NIPSNAP2: variants seen among roughly 807,000 people sequenced by gnomAD.
NIPSNAP2 encodes nipsnap homolog 2, also known as protein NipSnap homolog 2.
Under a neutral mutation model 48.4 loss-of-function variants are expected in NIPSNAP2, and 42 were observed. That is an observed-to-expected ratio of 0.87 (90% confidence interval 0.68 to 1.12). The LOEUF is 1.12. Among genes scored for constraint, NIPSNAP2 ranks in the 50% most tolerant of loss-of-function variants. NIPSNAP2 has a pLI of 0.00. For missense variants in NIPSNAP2, 314 were observed against 347.3 expected (o/e 0.90, Z 0.76); for synonymous variants, 158 against 126.6 (o/e 1.25, Z -1.67).
chr7:55,978,935 TTTG>T (rs1333901004), intron 3 of NIPSNAP2: 1 of 152,784 alleles, frequency 6.5e-6, no homozygotes, highest in African/African-American at 2.4e-5. Flanking sequence ...GCTTACAGAA[TTTG>T]TAAACTTTAA....
intron 1 of NIPSNAP2, among the ~76,000 whole-genome samples, chr7:55,974,587 G>A (rs552660013): frequency 3.9e-5 from 6 of 152,064 alleles, no homozygotes; most frequent in South Asian, 4.2e-4. Context: ...AGTGGCTCAC[G>A]CCTGTAATCC....
intron 1 of NIPSNAP2, among the ~76,000 whole-genome samples, chr7:55,973,605 G>A (rs2116336573): frequency 6.6e-6 from 1 of 151,950 alleles, no homozygotes; most frequent in African/African-American, 2.4e-5. Flanking sequence ...CTCCTGAGTA[G>A]CTGGGATCAC....
At chr7:55,984,001 T>A (rs202092196) in intron 6 of NIPSNAP2, 133 bp downstream of exon 6, 26 of 209,160 alleles carry the variant, frequency 1.2e-4, no homozygotes, top group South Asian at 4.3e-4. Flanking sequence ...ATATGTATTT[T>A]TTTAAGACTG....
At chr7:55,969,484 C>A (rs1042061317) in intron 1 of NIPSNAP2, among the ~76,000 whole-genome samples, 1 of 152,152 alleles carries the variant, frequency 6.6e-6, no homozygotes, top group Non-Finnish European at 1.5e-5. Flanking sequence ...ACAGGTACTT[C>A]GTTAGAGCAG....
chr7:55,972,131 A>G (rs1206912510), intron 1 of NIPSNAP2, among the ~76,000 whole-genome samples: 1 of 151,744 alleles, frequency 6.6e-6, no homozygotes, highest in African/African-American at 2.4e-5. Context: ...CATGGTGAAA[A>G]CCCACCTCTA....
In NIPSNAP2 at chr7:55,989,778, C is replaced by T. The variant is rs184395476; in HGVS notation, c.617+4900C>T. Among the ~76,000 whole-genome samples the T allele has an allele frequency of 5.3e-5, 8 of 152,218 alleles. No homozygotes were observed. The South Asian group carries it at 1.0e-3, about 20-fold the overall frequency. On this transcript the variant is annotated intron_variant, in intron 7 of 9. Coordinates refer to ENST00000322090, the MANE Select transcript of NIPSNAP2 (RefSeq NM_001483.3). The stretch of plus-strand genomic sequence containing the variant: ...TTGTTGGTGTTTTCTTTTTACCAGT[C>T]TCCATACTTACTTCATTATGGGATT...
At position 56,000,142 on chromosome 7, in the gene NIPSNAP2, AAC is replaced by A. The variant is rs1234975150; in HGVS notation, c.*1072_*1073del. 1 of 152,596 alleles carries A rather than the reference AAC, an allele frequency of 6.6e-6. No homozygotes were observed. The highest frequency in any genetic ancestry group is 2.4e-5 in the African/African-American group (1 of 41,450). 9.5% of individuals were successfully genotyped at this position (152,596 alleles called of 1,614,324 possible). ...TTACATGTGAATGATTTTCTCAAAG[AAC>A]ATAGAAAAGTCAATAAAATCCTCTT... On this transcript the variant is annotated 3_prime_UTR_variant, in exon 10 of 10. Coordinates refer to ENST00000322090, the MANE Select transcript of NIPSNAP2 (RefSeq NM_001483.3).
At chr7:55,977,900 A>C (rs956743129) in intron 1 of NIPSNAP2, among the ~76,000 whole-genome samples, 1 of 152,224 alleles carries the variant, frequency 6.6e-6, no homozygotes, top group South Asian at 2.1e-4. Context: ...CACATAGTGC[A>C]AATTGCAAAG....
At chr7:55,988,493 G>A (rs942796252) in intron 7 of NIPSNAP2, among the ~76,000 whole-genome samples, 1 of 152,016 alleles carries the variant, frequency 6.6e-6, no homozygotes, top group African/African-American at 2.4e-5. Context: ...AGGAGAAAGT[G>A]GACCCTTCCG....
At chr7:55,987,658 A>G (rs1392934724) in intron 7 of NIPSNAP2, among the ~76,000 whole-genome samples, 1 of 152,192 alleles carries the variant, frequency 6.6e-6, no homozygotes, top group African/African-American at 2.4e-5. Flanking sequence ...GTCTTGTCTT[A>G]TACTGCAATA....
chr7:55,978,106 A>G lies in NIPSNAP2; in HGVS notation c.93-20A>G, dbSNP rs1362190912. The G allele has an allele frequency of 6.2e-7, 1 of 1,613,702 alleles. No homozygotes were observed. Among genetic ancestry groups the G allele is most frequent in the Non-Finnish European group, 8.5e-7 (1 of 1,179,838 alleles). On this transcript the variant is annotated intron_variant, in intron 1 of 9. Coordinates refer to ENST00000322090, the MANE Select transcript of NIPSNAP2 (RefSeq NM_001483.3). Reference sequence around the variant, plus strand: ...TATGAAAACAGTATACTGCGTGACAACACCTTTGTTATTCCATAGGACATG... The same window carrying G: ...TATGAAAACAGTATACTGCGTGACAGCACCTTTGTTATTCCATAGGACATG...
In NIPSNAP2 at chr7:55,965,727, T is replaced by A. The variant is rs150526998; in HGVS notation, c.92+1026T>A. ...TCCCAAGTAGCTGGGATTACAGGCA[T>A]GCACCACCACACCCGGCTAATTTTT... On this transcript the variant is annotated intron_variant, in intron 1 of 9. Transcript: ENST00000322090. Among the ~76,000 whole-genome samples, 177 of 152,184 alleles carry A rather than the reference T, an allele frequency of 1.2e-3. 1 individual carries two copies. Among genetic ancestry groups the A allele is most frequent in the Non-Finnish European group, 2.2e-3 (150 of 67,998 alleles).
intron 7 of NIPSNAP2, among the ~76,000 whole-genome samples, chr7:55,987,005 A>AAAC (rs1787345214): frequency 7.0e-6 from 1 of 143,756 alleles, no homozygotes; most frequent in Non-Finnish European, 1.6e-5. Context: ...AAAAAAAAAA[A>AAAC]AAAAACTTGC....
At chr7:55,992,406 C>G (rs1277953542) in intron 7 of NIPSNAP2, among the ~76,000 whole-genome samples, 2 of 152,136 alleles carry the variant, frequency 1.3e-5, no homozygotes, top group Non-Finnish European at 2.9e-5. Context: ...AGGAGGCTCC[C>G]TCGAGCCCAA....
At chr7:55,967,660 T>TTTAC (rs1412139567) in intron 1 of NIPSNAP2, among the ~76,000 whole-genome samples, 1 of 151,040 alleles carries the variant, frequency 6.6e-6, no homozygotes, top group African/African-American at 2.4e-5. Context: ...TATTTATTTA[T>TTTAC]TTATTTGAGA....
intron 4 of NIPSNAP2, chr7:55,981,855 G>C (rs766350531): frequency 1.9e-4 from 68 of 367,364 alleles, no homozygotes; most frequent in Non-Finnish European, 3.2e-4. Flanking sequence ...GCCCAGGCTG[G>C]AGTGCAGTGA....
chr7:55,972,953 A>G (rs1254033660), intron 1 of NIPSNAP2, among the ~76,000 whole-genome samples: 2 of 151,970 alleles, frequency 1.3e-5, no homozygotes, highest in Non-Finnish European at 2.9e-5. Flanking sequence ...AAAATACAAA[A>G]ATTAGTTGGA....
rs1488484238 is a variant in NIPSNAP2, at chr7:55,964,600, G to C, written c.-10G>C. ...GCGCCCGGGCGGTGGGAGCCGAGGC[G>C]CCGAGCAAGATGGCGGCGCGAGTGC... On this transcript the variant is annotated 5_prime_UTR_variant, in exon 1 of 10. Transcript: ENST00000322090. 9.8e-7 allele frequency: 1 copy of C among 1,015,234 alleles called. No homozygotes were observed. The highest frequency in any genetic ancestry group is 1.2e-6 in the Non-Finnish European group (1 of 850,532). 62.9% of individuals were successfully genotyped at this position (1,015,234 alleles called of 1,614,324 possible). A position where few individuals can be genotyped will look rare whatever the true frequency, so the allele number is the denominator to read the frequency against.
chr7:55,974,270 AAG>A lies in NIPSNAP2; in HGVS notation c.93-3854_93-3853del, dbSNP rs1390153735. Among the ~76,000 whole-genome samples the A allele has an allele frequency of 7.5e-3, 463 of 61,386 alleles. 1 individual carries two copies. The highest frequency in any genetic ancestry group is 0.015 in the Non-Finnish European group (328 of 21,736). The allele number at this position is 61,386 out of a possible 152,430, so 40.3% of individuals were successfully genotyped here. ...CTGATTTTTTAAGCAAAAAAAAAGAAAGAAAGAAAGAAAGAAAAAGGCTGCCA... is the reference window on the plus strand; with the variant it reads ...CTGATTTTTTAAGCAAAAAAAAAGAAAAAGAAAGAAAGAAAAAGGCTGCCA... On this transcript the variant is annotated intron_variant, in intron 1 of 9. Transcript: ENST00000322090.
Sources: allele counts gnomAD v4.1 joint callset (sites outside exome capture counted in the v4.1 genomes callset), GRCh38; gene constraint gnomAD v4.1.1; transcripts MANE v1.5; gene names NCBI Gene and HGNC (gene_info 2026-07-23, HGNC 2026-07-21).